The following C4orf36 variants were observed in gnomAD, a reference collection of about 807,000 sequenced individuals.
C4orf36 encodes the protein chromosome 4 open reading frame 36.
Under a neutral mutation model 12.2 loss-of-function variants are expected in C4orf36, and 11 were observed. The observed-to-expected ratio is 0.90, with a 90% CI of 0.57 to 1.49. C4orf36 has a LOEUF of 1.49. C4orf36 is among the 40% of genes most tolerant of loss of function. The pLI, the probability that C4orf36 is intolerant of heterozygous loss-of-function variation, is 0.00. For missense variants in C4orf36, 137 were observed against 133.9 expected (o/e 1.02, Z -0.11); for synonymous variants, 54 against 51.3 (o/e 1.05, Z -0.22).
the C4orf36 span, among the ~76,000 whole-genome samples, chr4:86,917,320 G>C: frequency 8.5e-6 from 1 of 118,138 alleles, no homozygotes; most frequent in African/African-American, 2.7e-5. Flanking sequence ...GGAAGAGAGA[G>C]AGAGAGAGAT....
At position 86,884,298 on chromosome 4, in the gene C4orf36, A is replaced by AC. The variant is rs1560471171; in HGVS notation, c.*2+3459_*2+3460insG. Among the ~76,000 whole-genome samples the AC allele has an allele frequency of 9.4e-4, 118 of 125,244 alleles. 8 individuals are homozygous for AC. Among genetic ancestry groups the AC allele is most frequent in the South Asian group, 1.5e-3 (6 of 3,970 alleles). 82.2% of individuals were successfully genotyped at this position (125,244 alleles called of 152,430 possible). On this transcript the variant is annotated intron_variant, in intron 4 of 4. Transcript: ENST00000295898. Reference sequence around the variant, plus strand: ...AAATTAGGCAGAAGGAAAAAGACTGAATTTTTTTTTTTTTTTTTTTTTTTG... The same window carrying AC: ...AAATTAGGCAGAAGGAAAAAGACTGACATTTTTTTTTTTTTTTTTTTTTTTG...
Position 86,888,181 on chromosome 4 carries a change from CA to C in C4orf36, c.159del (p.Gly54ValfsTer30). 1 of 1,614,154 alleles carries C rather than the reference CA, an allele frequency of 6.2e-7. No individual in the cohort carries two copies. Reference protein sequence around the residue: ...KLPFLEEISFGGSVQLTKCTT... With the variant: ...KLPFLEEISFXGSVQLTKCTT... ...GTACATTTTGTGAGCTGCACAGAAC[CA>C]CCAAATGAAATTTCTTCCAAGAAAG... On this transcript the variant is annotated frameshift_variant, in exon 3 of 5. Coordinates refer to ENST00000295898, the MANE Select transcript of C4orf36 (RefSeq NM_144645.4). LOFTEE classifies it high-confidence loss of function.
intron 2 of C4orf36, among the ~76,000 whole-genome samples, 180 bp downstream of exon 2, chr4:86,891,276 C>A (rs1467906987): frequency 8.7e-6 from 1 of 114,996 alleles, no homozygotes; most frequent in Non-Finnish European, 1.8e-5. Context: ...AGATAATTAA[C>A]TTATAAAAGC....
upstream of C4orf36, among the ~76,000 whole-genome samples, chr4:86,895,011 GATA>G (rs2149425894): frequency 6.6e-6 from 1 of 152,216 alleles, no homozygotes; most frequent in East Asian, 1.9e-4. Context: ...GAAAATATAG[GATA>G]ATAACTGTTC....
the C4orf36 span, chr4:86,934,421 G>A: frequency 6.6e-6 from 1 of 152,198 alleles, no homozygotes; most frequent in Non-Finnish European, 1.5e-5. Flanking sequence ...AAACCCGGAG[G>A]CTAGATTCAG....
the C4orf36 span, among the ~76,000 whole-genome samples, chr4:86,905,426 G>C: frequency 6.6e-6 from 1 of 152,052 alleles, no homozygotes; most frequent in Non-Finnish European, 1.5e-5. Context: ...GCAGTTGCGT[G>C]CCTGTAGTCC....
chr4:86,878,004 A>G (rs1322063541), intron 4 of C4orf36, among the ~76,000 whole-genome samples: 2 of 152,178 alleles, frequency 1.3e-5, no homozygotes, highest in Non-Finnish European at 2.9e-5. Context: ...GAGCAAGGTG[A>G]TAGAGACATA....
chr4:86,899,190 A>G, the C4orf36 span, among the ~76,000 whole-genome samples: 1 of 152,228 alleles, frequency 6.6e-6, no homozygotes, highest in African/African-American at 2.4e-5. Flanking sequence ...TCGCTCCTCT[A>G]AAACAAATTA....
intron 4 of C4orf36, chr4:86,887,468 C>T: frequency 3.6e-6 from 1 of 276,020 alleles, no homozygotes; most frequent in East Asian, 6.3e-5. Flanking sequence ...AAGAAATTTC[C>T]TCTTCTTTTA....
chr4:86,876,717 G>A, intron 4 of C4orf36: 1 of 1,557,294 alleles, frequency 6.4e-7, no homozygotes, highest in African/African-American at 1.4e-5. Flanking sequence ...TTACTATTCA[G>A]AATTTAGGAA....
chr4:86,923,761 C>T, the C4orf36 span, among the ~76,000 whole-genome samples: 3 of 130,830 alleles, frequency 2.3e-5, no homozygotes, highest in Admixed American at 8.0e-5. Context: ...GAGACTCTGT[C>T]TCAAAAAAAA....
the C4orf36 span, among the ~76,000 whole-genome samples, chr4:86,911,422 T>G: frequency 6.6e-6 from 1 of 152,200 alleles, no homozygotes; most frequent in East Asian, 1.9e-4. Flanking sequence ...TCAAATTGTA[T>G]TACTAGGCTT....
intron 4 of C4orf36, chr4:86,886,432 C>T (rs1255960437): frequency 2.6e-5 from 4 of 152,014 alleles, no homozygotes; most frequent in Non-Finnish European, 5.9e-5. Context: ...AAAAAACAAC[C>T]CCATCAAAAA....
chr4:86,933,325 C>T, the C4orf36 span: 3 of 152,198 alleles, frequency 2.0e-5, no homozygotes, highest in African/African-American at 7.2e-5. Context: ...GGAGCTCTGT[C>T]TTTGTCATCA....
At chr4:86,903,649 C>T in the C4orf36 span, among the ~76,000 whole-genome samples, 1 of 152,150 alleles carries the variant, frequency 6.6e-6, no homozygotes, top group Non-Finnish European at 1.5e-5. Flanking sequence ...GCTCCCATAC[C>T]ATCGAAGACA....
upstream of C4orf36, among the ~76,000 whole-genome samples, chr4:86,896,071 A>G (rs143443698): frequency 5.1e-4 from 78 of 152,338 alleles, no homozygotes; most frequent in African/African-American, 1.8e-3. Context: ...TGTCTCAATT[A>G]TCACACAATA....
the C4orf36 span, among the ~76,000 whole-genome samples, chr4:86,930,716 A>G: frequency 6.6e-6 from 1 of 152,228 alleles, no homozygotes; most frequent in African/African-American, 2.4e-5. Context: ...CACAGTCCCC[A>G]CTGGATTTGG....
At chr4:86,887,024 A>G (rs1042260169) in intron 4 of C4orf36, 2 of 152,112 alleles carry the variant, frequency 1.3e-5, no homozygotes, top group Non-Finnish European at 2.9e-5. Flanking sequence ...CAAAAAACCA[A>G]ACACCGCATG....
intron 2 of C4orf36, chr4:86,890,191 GAGGGAGGGAGGGAGGGAGGA>G (rs1002471921): frequency 8.3e-5 from 16 of 193,732 alleles, no homozygotes; most frequent in Middle Eastern, 1.8e-3. Flanking sequence ...GGGAGGGAGG[GAGGGAGGGAGGGAGGGAGGA>G]AGGAAGGAAG....
Sources: allele counts gnomAD v4.1 joint callset (sites outside exome capture counted in the v4.1 genomes callset), GRCh38; gene constraint gnomAD v4.1.1; transcripts MANE v1.5; gene names NCBI Gene and HGNC (gene_info 2026-07-23, HGNC 2026-07-21).